Variants in BTBD9 observed in about 807,000 individuals in gnomAD.
BTBD9 encodes the protein BTB/POZ domain-containing protein 9.
In BTBD9, 49 loss-of-function variants were observed where a neutral mutation model predicts 64.3. The observed-to-expected ratio is 0.76, with a 90% CI of 0.61 to 0.97. The LOEUF is 0.97. BTBD9 is among the 50% of genes least tolerant of loss of function. The pLI is 0.00. For synonymous variants in BTBD9, 260 were observed against 274.7 expected (o/e 0.95, Z 0.53); for missense variants, 598 against 762.1 (o/e 0.78, Z 2.53).
chr6:38,566,503 G>A (rs1036486747), intron 6 of BTBD9, among the ~76,000 whole-genome samples: 1 of 152,276 alleles, frequency 6.6e-6, no homozygotes, highest in Middle Eastern at 3.4e-3. Context: ...CAGCTTACCG[G>A]TGTGATGCAG....
At chr6:38,402,519 A>C (rs1766976993) in intron 6 of BTBD9, among the ~76,000 whole-genome samples, 1 of 152,220 alleles carries the variant, frequency 6.6e-6, no homozygotes, top group South Asian at 2.1e-4. Flanking sequence ...GAGAGCACAG[A>C]AATAAACCCA....
intron 4 of BTBD9, among the ~76,000 whole-genome samples, chr6:38,587,027 C>T (rs960620690): frequency 2.7e-5 from 4 of 150,310 alleles, no homozygotes; most frequent in African/African-American, 9.8e-5. Context: ...TGTGTCGTTG[C>T]ATTCCAGTGT....
chr6:38,304,569 A>C (rs911739419), intron 7 of BTBD9, among the ~76,000 whole-genome samples: 1 of 151,958 alleles, frequency 6.6e-6, no homozygotes. Flanking sequence ...AAAAAAAAAA[A>C]AAACCAACAT....
intron 6 of BTBD9, among the ~76,000 whole-genome samples, chr6:38,408,860 CACAG>C (rs1469198999): frequency 2.6e-5 from 4 of 152,170 alleles, no homozygotes; most frequent in African/African-American, 9.7e-5. Context: ...TCTCAGGAAA[CACAG>C]AGCCCAAAGG....
In BTBD9 at chr6:38,425,111, C is replaced by T. The variant is rs547530496; in HGVS notation, c.1155-80018G>A. On this transcript the variant is annotated intron_variant, in intron 6 of 10. Transcript: ENST00000481247. ...GATTACAGGTGTGAGCCACCGTGCC[C>T]GGCCTTTTTTTTTTTTTTTGAGTGA... is the stretch of plus-strand genomic sequence containing the variant. Among the ~76,000 whole-genome samples, 30 of 123,078 alleles carry T rather than the reference C, an allele frequency of 2.4e-4. No individual in the cohort carries two copies. The South Asian group carries it at 2.7e-3, about 11-fold the overall frequency. The allele number at this position is 123,078 out of a possible 152,430, so 80.7% of individuals were successfully genotyped here.
At chr6:38,374,305 A>ATATATATATATATATG (rs1459305916) in intron 6 of BTBD9, among the ~76,000 whole-genome samples, 41 of 66,504 alleles carry the variant, frequency 6.2e-4, no homozygotes, top group Non-Finnish European at 9.3e-4. Context: ...ATGTATATAT[A>ATATATATATATATATG]TGTATATATA....
chr6:38,358,332 T>A (rs1327958417), intron 6 of BTBD9, among the ~76,000 whole-genome samples: 1 of 152,126 alleles, frequency 6.6e-6, no homozygotes, highest in Non-Finnish European at 1.5e-5. Flanking sequence ...TTGCTTCAGA[T>A]AACAGCTGCT....
intron 6 of BTBD9, among the ~76,000 whole-genome samples, chr6:38,449,047 G>A (rs1464307675): frequency 1.3e-5 from 2 of 152,156 alleles, no homozygotes; most frequent in South Asian, 2.1e-4. Context: ...AGAGGCAAGT[G>A]TTTAGGACAA....
intron 6 of BTBD9, among the ~76,000 whole-genome samples, chr6:38,508,979 T>C (rs1772662230): frequency 6.6e-6 from 1 of 152,192 alleles, no homozygotes; most frequent in African/African-American, 2.4e-5. Context: ...TCAGTAATCT[T>C]ACCTACCCAC....
chr6:38,534,742 A>C (rs1252203919), intron 6 of BTBD9, among the ~76,000 whole-genome samples: 1 of 152,138 alleles, frequency 6.6e-6, no homozygotes, highest in Non-Finnish European at 1.5e-5. Flanking sequence ...AATGTGATAC[A>C]TCATATCAAC....
intron 1 of BTBD9, among the ~76,000 whole-genome samples, chr6:38,616,650 T>C (rs1428843201): frequency 6.6e-6 from 1 of 152,066 alleles, no homozygotes; most frequent in East Asian, 1.9e-4. Context: ...TCAGCAGGAT[T>C]CTAAAAGTAG....
chr6:38,358,086 TAACTC>T (rs1460896749), intron 6 of BTBD9, among the ~76,000 whole-genome samples: 5 of 151,984 alleles, frequency 3.3e-5, no homozygotes, highest in East Asian at 1.9e-4. Context: ...AAAAATAAAA[TAACTC>T]AGCTCATCCT....
At chr6:38,232,942 T>C (rs1041959387) in intron 9 of BTBD9, among the ~76,000 whole-genome samples, 5 of 152,198 alleles carry the variant, frequency 3.3e-5, no homozygotes, top group African/African-American at 1.2e-4. Context: ...TAACCATCCC[T>C]TTCCAGAATC....
At chr6:38,600,188 A>G (rs1308678663) in intron 1 of BTBD9, among the ~76,000 whole-genome samples, 1 of 152,232 alleles carries the variant, frequency 6.6e-6, no homozygotes, top group Non-Finnish European at 1.5e-5. Context: ...ACATGGTTTA[A>G]AGCTTTGCAG....
At chr6:38,537,136 T>A (rs923728078) in intron 6 of BTBD9, among the ~76,000 whole-genome samples, 54 of 152,278 alleles carry the variant, frequency 3.5e-4, no homozygotes, top group African/African-American at 1.2e-3. Context: ...ATAATTTTTT[T>A]AAAAAATTGG....
intron 7 of BTBD9, among the ~76,000 whole-genome samples, chr6:38,296,548 T>C (rs1309548396): frequency 6.6e-6 from 1 of 152,140 alleles, no homozygotes; most frequent in Non-Finnish European, 1.5e-5. Context: ...CTAATCTTTT[T>C]CTTTTCTAAA....
chr6:38,309,042 A>G (rs1337124893), intron 7 of BTBD9, among the ~76,000 whole-genome samples: 2 of 152,026 alleles, frequency 1.3e-5, no homozygotes, highest in Admixed American at 6.6e-5. Context: ...CACATTGAAC[A>G]GAGAACAAAA....
At chr6:38,261,561 C>A (rs1279184564) in intron 8 of BTBD9, among the ~76,000 whole-genome samples, 1 of 152,148 alleles carries the variant, frequency 6.6e-6, no homozygotes, top group East Asian at 1.9e-4. Flanking sequence ...TACCCATTTT[C>A]TACTTATATG....
chr6:38,545,404 A>G (rs1262371686), intron 6 of BTBD9, among the ~76,000 whole-genome samples: 1 of 152,150 alleles, frequency 6.6e-6, no homozygotes, highest in Non-Finnish European at 1.5e-5. Context: ...TTTAAAAAGG[A>G]ACAATCTCTG....
Sources: allele counts gnomAD v4.1 joint callset (sites outside exome capture counted in the v4.1 genomes callset), GRCh38; gene constraint gnomAD v4.1.1; transcripts MANE v1.5; gene names NCBI Gene and HGNC (gene_info 2026-07-23, HGNC 2026-07-21).